Variants in APPL1 observed in about 807,000 individuals in gnomAD.
The protein encoded by APPL1 is DCC-interacting protein 13-alpha.
In APPL1, 42 loss-of-function variants were observed where a neutral mutation model predicts 106.8. The ratio of observed to expected loss-of-function variants is 0.39; its 90% confidence interval spans 0.31 to 0.51. The LOEUF (loss-of-function observed/expected upper bound fraction) is 0.51, where lower values mean the gene tolerates loss of function less well. APPL1 is among the 20% of genes least tolerant of loss of function. APPL1 has a pLI of 0.75. For synonymous variants in APPL1, 263 were observed against 281.8 expected (o/e 0.93, Z 0.67); for missense variants, 769 against 858.2 (o/e 0.90, Z 1.30).
At chr3:57,257,452 A>G in intron 15 of APPL1, 24 bp downstream of exon 15, 1 of 1,593,674 alleles carries the variant, frequency 6.3e-7, no homozygotes, top group Non-Finnish European at 8.5e-7. Flanking sequence ...TCACAGGTAC[A>G]TTGTGCTGTG....
At position 57,242,859 on chromosome 3, in the gene APPL1, A is replaced by G. The variant is rs1440288526; in HGVS notation, c.419A>G (p.His140Arg). ...KEVFQIASND[H>R]DAAINRYSRL... ...AACACTCATTTCTTTTTTCCAGATC[A>G]TGATGCTGCGATTAATAGATATAGC... The change falls in exon 7 of 22, where the codon CAT becomes CGT. Residue 140 changes from histidine to arginine, a missense_variant. By Grantham distance (29) the His-to-Arg change is conservative (BLOSUM62 0). Coordinates refer to ENST00000288266, the MANE Select transcript of APPL1 (RefSeq NM_012096.3). 2 of 1,610,966 alleles carry G rather than the reference A, an allele frequency of 1.2e-6. No homozygotes were observed. Among genetic ancestry groups the G allele is most frequent in the South Asian group, 1.1e-5 (1 of 90,978 alleles).
chr3:57,227,872 C>A lies in APPL1; in HGVS notation c.-12C>A. 6.8e-7 allele frequency: 1 copy of A among 1,462,132 alleles called. No individual in the cohort carries two copies. The highest frequency in any genetic ancestry group is 9.1e-7 in the Non-Finnish European group (1 of 1,104,706). The allele number at this position is 1,462,132 out of a possible 1,614,324, so 90.6% of individuals were successfully genotyped here. On this transcript the variant is annotated 5_prime_UTR_variant, in exon 1 of 22. Transcript: ENST00000288266. ...CAGCTGCGTCTCCTGCCACCGCCCT[C>A]CCTCCGCCACGATGCCGGGGATCGA...
At chr3:57,246,263 G>C (rs1579388769) in intron 8 of APPL1, 41 bp downstream of exon 8, 1 of 1,410,638 alleles carries the variant, frequency 7.1e-7, no homozygotes, top group East Asian at 2.6e-5. Context: ...TGTCCTAAAA[G>C]TTTTATATTA....
intron 21 of APPL1, 173 bp downstream of exon 21, chr3:57,268,660 ATGT>A (rs2060912183): frequency 7.0e-6 from 4 of 571,338 alleles, no homozygotes; most frequent in Non-Finnish European, 1.1e-5. Flanking sequence ...TTTTGATATG[ATGT>A]TTACATTATA....
intron 19 of APPL1, among the ~76,000 whole-genome samples, chr3:57,266,917 G>A (rs572111465): frequency 3.9e-5 from 6 of 152,166 alleles, no homozygotes; most frequent in East Asian, 3.9e-4. Flanking sequence ...AAGTGGCTTC[G>A]TTCCTGGGTT....
intron 4 of APPL1, among the ~76,000 whole-genome samples, chr3:57,239,376 A>ACTCATAAT (rs2060733245): frequency 6.6e-6 from 1 of 152,162 alleles, no homozygotes; most frequent in Non-Finnish European, 1.5e-5. Flanking sequence ...ATATAAATGG[A>ACTCATAAT]CTCATAATTT....
chr3:57,265,631 C>G (rs1235410842), intron 19 of APPL1, among the ~76,000 whole-genome samples: 1 of 151,728 alleles, frequency 6.6e-6, no homozygotes, highest in African/African-American at 2.4e-5. Context: ...CTGAATTCAT[C>G]AGTTCTAATA....
At position 57,264,281 on chromosome 3, in the gene APPL1, A is replaced by T. The variant is rs544460747; in HGVS notation, c.1843-3461A>T. Among the ~76,000 whole-genome samples, 9 of 152,242 alleles carry T rather than the reference A, an allele frequency of 5.9e-5. No individual in the cohort carries two copies. The South Asian group carries it at 1.9e-3, about 32-fold the overall frequency. On this transcript the variant is annotated intron_variant, in intron 19 of 21. Coordinates refer to ENST00000288266, the MANE Select transcript of APPL1 (RefSeq NM_012096.3). ...AGCTCTTTGTATATTCTGGTTATTA[A>T]TCCCTTGTCAGATGAGTAGTTTACA...
intron 19 of APPL1, among the ~76,000 whole-genome samples, chr3:57,264,508 G>A (rs909108844): frequency 6.6e-6 from 1 of 150,802 alleles, no homozygotes; most frequent in Non-Finnish European, 1.5e-5. Flanking sequence ...TAGTTTCATA[G>A]TTCAAGGTCT....
intron 19 of APPL1, among the ~76,000 whole-genome samples, chr3:57,265,159 G>C (rs1303326183): frequency 2.6e-5 from 4 of 150,970 alleles, no homozygotes; most frequent in African/African-American, 9.7e-5. Context: ...TTTTTTGTTT[G>C]TTCTTTTGAG....
Position 57,247,378 on chromosome 3 carries a change from C to T in APPL1, c.622-17C>T, listed in dbSNP as rs148995304. 3 of 1,497,802 alleles carry T rather than the reference C, an allele frequency of 2.0e-6. No individual in the cohort carries two copies. The highest frequency in any genetic ancestry group is 2.8e-5 in the African/African-American group (2 of 72,030). The allele number at this position is 1,497,802 out of a possible 1,614,324, so 92.8% of individuals were successfully genotyped here. A position where few individuals can be genotyped will look rare whatever the true frequency, so the allele number is the denominator to read the frequency against. ...TATTTTTGTATTGTTCAATTCCCCC[C>T]ACTCCCCACTCTCCAGATAAGTTTC... is the stretch of plus-strand genomic sequence containing the variant. On this transcript the variant is annotated splice_polypyrimidine_tract_variant and intron_variant, in intron 8 of 21. Coordinates refer to ENST00000288266, the MANE Select transcript of APPL1 (RefSeq NM_012096.3).
At chr3:57,231,496 T>G (rs986238810) in intron 1 of APPL1, among the ~76,000 whole-genome samples, 2 of 151,492 alleles carry the variant, frequency 1.3e-5, no homozygotes, top group African/African-American at 2.4e-5. Flanking sequence ...TAGTTTTTAA[T>G]TTTTTTTAGA....
intron 11 of APPL1, 90 bp from the exon 12 acceptor site, chr3:57,252,179 C>A (rs1192224138): frequency 2.0e-6 from 2 of 1,013,908 alleles, no homozygotes; most frequent in Non-Finnish European, 1.5e-6. Context: ...TTTATATATG[C>A]CTTTAACTTT....
intron 19 of APPL1, among the ~76,000 whole-genome samples, chr3:57,266,882 T>C (rs1472617871): frequency 1.3e-5 from 2 of 152,222 alleles, no homozygotes; most frequent in African/African-American, 2.4e-5. Flanking sequence ...TTGTCACTTT[T>C]GTTAAAGATC....
chr3:57,239,439 A>T (rs966506100), intron 4 of APPL1, among the ~76,000 whole-genome samples: 1 of 152,188 alleles, frequency 6.6e-6, no homozygotes, highest in African/African-American at 2.4e-5. Flanking sequence ...AGGTTCATTC[A>T]TGTTGTAATA....
At position 57,227,887 on chromosome 3, in the gene APPL1, C is replaced by T; in HGVS notation, c.4C>T (p.Pro2Ser). 3 of 1,467,812 alleles carry T rather than the reference C, an allele frequency of 2.0e-6. No individual in the cohort carries two copies. Among genetic ancestry groups the T allele is most frequent in the African/African-American group, 1.5e-5 (1 of 68,396 alleles). 90.9% of individuals were successfully genotyped at this position (1,467,812 alleles called of 1,614,324 possible). The change falls in exon 1 of 22, where the codon CCG becomes TCG. Residue 2 changes from proline (P) to serine (S), a missense_variant. Pro to Ser is a moderately conservative substitution (Grantham distance 74). Transcript: ENST00000288266. ...CCACCGCCCTCCCTCCGCCACGATG[C>T]CGGGGATCGACAAGCTGCCCATCGA... Reference protein sequence around the residue: MPGIDKLPIEET... With the variant: MSGIDKLPIEET...
chr3:57,242,385 T>C (rs2060751326), intron 6 of APPL1, among the ~76,000 whole-genome samples: 2 of 152,150 alleles, frequency 1.3e-5, no homozygotes, highest in Non-Finnish European at 2.9e-5. Context: ...TGTAATATTT[T>C]ACCCTTCTTG....
rs967882342 is a variant in APPL1 at position 57,238,175 on chromosome 3, C to T, written c.285+59C>T. On this transcript the variant is annotated intron_variant, in intron 4 of 21. Coordinates refer to ENST00000288266, the MANE Select transcript of APPL1 (RefSeq NM_012096.3). Reference sequence around the variant, plus strand: ...GTCTTATAATTGAGTTACCCAGTTGCTTAGCTTTTATTTTATGAATAAAGC... The same window carrying T: ...GTCTTATAATTGAGTTACCCAGTTGTTTAGCTTTTATTTTATGAATAAAGC... 22 of 1,279,634 alleles carry T rather than the reference C, an allele frequency of 1.7e-5. No individual in the cohort carries two copies. The African/African-American group carries it at 2.9e-4, about 17-fold the overall frequency. The allele number at this position is 1,279,634 out of a possible 1,614,324, so 79.3% of individuals were successfully genotyped here. A position where few individuals can be genotyped will look rare whatever the true frequency, so the allele number is the denominator to read the frequency against.
chr3:57,270,977 C>T lies in APPL1; in HGVS notation c.*1290C>T, dbSNP rs537409289. 206 of 152,124 alleles carry T rather than the reference C, an allele frequency of 1.4e-3. No individual in the cohort carries two copies. The highest frequency in any genetic ancestry group is 4.8e-3 in the African/African-American group (200 of 41,518). The allele number at this position is 152,124 out of a possible 1,614,324, so 9.4% of individuals were successfully genotyped here. On this transcript the variant is annotated 3_prime_UTR_variant, in exon 22 of 22. Coordinates refer to ENST00000288266, the MANE Select transcript of APPL1 (RefSeq NM_012096.3). ...TTTTTTTCTGTAATCACTTTTAACA[C>T]TGCTAATAGAAATTATGTTTTCATG...
Sources: allele counts gnomAD v4.1 joint callset (sites outside exome capture counted in the v4.1 genomes callset), GRCh38; gene constraint gnomAD v4.1.1; transcripts MANE v1.5; gene names NCBI Gene and HGNC (gene_info 2026-07-23, HGNC 2026-07-21).